Variants in SLC28A1 observed in about 807,000 individuals in gnomAD.
The protein encoded by SLC28A1 is solute carrier family 28 member 1.
In SLC28A1, 64 loss-of-function variants were observed where a neutral mutation model predicts 74.8. The observed-to-expected ratio is 0.86, with a 90% CI of 0.70 to 1.05. The LOEUF (loss-of-function observed/expected upper bound fraction) is 1.05, where lower values mean the gene tolerates loss of function less well. SLC28A1 is among the 50% of genes least tolerant of loss of function. The pLI, the probability that SLC28A1 is intolerant of heterozygous loss-of-function variation, is 0.00. For synonymous variants in SLC28A1, 359 were observed against 335.0 expected (o/e 1.07, Z -0.78); for missense variants, 828 against 822.8 (o/e 1.01, Z -0.08).
intron 9 of SLC28A1, among the ~76,000 whole-genome samples, chr15:84,914,308 A>G (rs1968765232): frequency 6.6e-6 from 1 of 152,098 alleles, no homozygotes; most frequent in Non-Finnish European, 1.5e-5. Flanking sequence ...TCACCCCCAA[A>G]GGCTCCACCT....
chr15:84,900,855 G>A (rs1966599202), intron 6 of SLC28A1, among the ~76,000 whole-genome samples: 3 of 144,738 alleles, frequency 2.1e-5, no homozygotes, highest in African/African-American at 7.8e-5. Flanking sequence ...GGAAAGGGAA[G>A]GGGAAGGGTG....
downstream of SLC28A1, among the ~76,000 whole-genome samples, chr15:84,949,886 A>AC (rs34511525): frequency 0.89 from 134,634 of 152,016 alleles, 59,731 homozygotes; most frequent in East Asian, 0.96. Context: ...GGTGGGAAGG[A>AC]CTTATCTACA....
intron 9 of SLC28A1, among the ~76,000 whole-genome samples, chr15:84,912,798 G>GCA (rs113239148): frequency 0.067 from 1,184 of 17,588 alleles, 18 homozygotes; most frequent in African/African-American, 0.12. Context: ...GCCAAATTTT[G>GCA]CGCGCGCGCA....
intron 7 of SLC28A1, among the ~76,000 whole-genome samples, chr15:84,904,493 A>G (rs576778706): frequency 3.9e-5 from 6 of 152,318 alleles, no homozygotes; most frequent in Admixed American, 6.5e-5. Context: ...TCCTCTGGTC[A>G]GTCTAATCCT....
chr15:84,918,539 G>T lies in SLC28A1; in HGVS notation c.811G>T (p.Val271Phe). The T allele has an allele frequency of 6.2e-7, 1 of 1,613,892 alleles. No individual in the cohort carries two copies. Reference sequence around the variant, plus strand: ...TTCCCGGCAGGTTCTGCCCATCATTGTCTTTTTCAGCTGTGTCATATCCGT... The same window carrying T: ...TTCCCGGCAGGTTCTGCCCATCATTTTCTTTTTCAGCTGTGTCATATCCGT... ...VFAFQVLPII[V>F]FFSCVISVLY... Residue 271 changes from valine to phenylalanine, a missense_variant, in exon 10 of 19, where the codon GTC becomes TTC. Val to Phe is a conservative substitution (Grantham distance 50). Coordinates refer to ENST00000394573, the MANE Select transcript of SLC28A1 (RefSeq NM_004213.5).
chr15:84,965,996 T>C, the SLC28A1 span, among the ~76,000 whole-genome samples: 1 of 152,168 alleles, frequency 6.6e-6, no homozygotes, highest in Non-Finnish European at 1.5e-5. Flanking sequence ...TGAGCCTAGA[T>C]CTCTGATTAA....
Position 84,945,087 on chromosome 15 carries a change from G to A in SLC28A1, c.1875-38G>A, listed in dbSNP as rs1383412336. ...GCCTGGTGGTGGCCCGCAGAACCAG[G>A]CCTGGAGCTCCCACTGCGATCTTTG... On this transcript the variant is annotated intron_variant, in intron 18 of 18. Transcript: ENST00000394573. The A allele has an allele frequency of 1.9e-6, 3 of 1,595,100 alleles. No homozygotes were observed. The Admixed American group carries it at 5.0e-5, about 27-fold the overall frequency.
the SLC28A1 span, among the ~76,000 whole-genome samples, chr15:84,966,189 T>C: frequency 2.0e-5 from 3 of 152,174 alleles, no homozygotes; most frequent in East Asian, 1.9e-4. Flanking sequence ...GCGATTCTTC[T>C]GCCTCAGCCT....
At chr15:84,921,526 C>T (rs1969832708) in intron 11 of SLC28A1, among the ~76,000 whole-genome samples, 1 of 152,094 alleles carries the variant, frequency 6.6e-6, no homozygotes, top group Non-Finnish European at 1.5e-5. Context: ...GTAAATGTGA[C>T]TCTGAAAGTA....
chr15:84,905,756 C>A, intron 8 of SLC28A1, 104 bp downstream of exon 8: 1 of 895,732 alleles, frequency 1.1e-6, no homozygotes. Flanking sequence ...ATAGAGAAGG[C>A]TTGGGACCTG....
chr15:84,891,266 A>G (rs1453220667), intron 5 of SLC28A1, among the ~76,000 whole-genome samples: 1 of 152,140 alleles, frequency 6.6e-6, no homozygotes, highest in East Asian at 1.9e-4. Flanking sequence ...GGGCGGGGGC[A>G]ATGGGAGAGG....
In SLC28A1 at chr15:84,943,443, AG is replaced by A; in HGVS notation, c.1582del. On this transcript the variant is annotated splice_acceptor_variant, in intron 15 of 18. Coordinates refer to ENST00000394573, the MANE Select transcript of SLC28A1 (RefSeq NM_004213.5). LOFTEE classifies it high-confidence loss of function. Reference sequence around the variant, plus strand: ...CTCCTCATGCATCTTCTGTATTTTCAGGTCAGAGCTGAAGTCCTCACGACGT... The same window carrying A: ...CTCCTCATGCATCTTCTGTATTTTCAGTCAGAGCTGAAGTCCTCACGACGT... The A allele has an allele frequency of 6.2e-7, 1 of 1,612,408 alleles. No individual in the cohort carries two copies. Among genetic ancestry groups the A allele is most frequent in the African/African-American group, 1.3e-5 (1 of 74,990 alleles).
intron 6 of SLC28A1, among the ~76,000 whole-genome samples, chr15:84,900,162 T>A (rs1014797309): frequency 3.0e-4 from 45 of 150,720 alleles, no homozygotes; most frequent in African/African-American, 1.1e-3. Flanking sequence ...AATAAAAATA[T>A]ATATATAAAA....
At chr15:84,890,328 C>T in intron 4 of SLC28A1, 115 bp from the exon 5 acceptor site, 1 of 768,852 alleles carries the variant, frequency 1.3e-6, no homozygotes, top group East Asian at 2.7e-5. Flanking sequence ...CAAGGCAAGC[C>T]CTGGCTTGCC....
intron 15 of SLC28A1, among the ~76,000 whole-genome samples, chr15:84,942,306 AT>A (rs1215826153): frequency 6.6e-6 from 1 of 152,146 alleles, no homozygotes; most frequent in Non-Finnish European, 1.5e-5. Context: ...ACTCTTAGTT[AT>A]TTTTAAATGT....
At chr15:84,902,736 T>G (rs1260059630) in intron 6 of SLC28A1, among the ~76,000 whole-genome samples, 3 of 151,848 alleles carry the variant, frequency 2.0e-5, no homozygotes, top group Admixed American at 6.6e-5. Context: ...TTTAAGTTTT[T>G]TTTTTTTTTT....
chr15:84,896,885 C>T (rs556227272), intron 6 of SLC28A1, among the ~76,000 whole-genome samples: 4 of 152,266 alleles, frequency 2.6e-5, no homozygotes, highest in South Asian at 2.1e-4. Context: ...GAACCATATA[C>T]GGCATGATTC....
chr15:84,915,029 C>T (rs1047848245), intron 9 of SLC28A1, among the ~76,000 whole-genome samples: 1 of 152,146 alleles, frequency 6.6e-6, no homozygotes, highest in Non-Finnish European at 1.5e-5. Flanking sequence ...TGGCGTGGGC[C>T]CATCCCTGCA....
intron 13 of SLC28A1, among the ~76,000 whole-genome samples, chr15:84,933,488 A>G (rs1971545338): frequency 6.6e-6 from 1 of 152,166 alleles, no homozygotes; most frequent in Admixed American, 6.5e-5. Flanking sequence ...TATAAAGAAT[A>G]AGAATTTATT....
Sources: gnomAD v4.1 joint callset for allele counts (sites outside exome capture counted in the v4.1 genomes callset) on GRCh38, gnomAD v4.1.1 for gene constraint, MANE v1.5 for transcripts, NCBI Gene and HGNC (gene_info 2026-07-23, HGNC 2026-07-21) for gene names.